The following OCA2 variants were observed in gnomAD, a reference collection of about 807,000 sequenced individuals.
The protein encoded by OCA2 is P protein.
In OCA2, 77 loss-of-function variants were observed where a neutral mutation model predicts 100.2. The observed-to-expected ratio is 0.77, with a 90% CI of 0.64 to 0.93. The LOEUF (loss-of-function observed/expected upper bound fraction) is 0.93, where lower values mean the gene tolerates loss of function less well. Ranked by LOEUF, OCA2 falls within the 40% of genes least tolerant of loss-of-function variation. The probability of loss-of-function intolerance (pLI) is 0.00; values close to 1 mark genes in which losing one functional copy is unlikely to be tolerated. For missense variants in OCA2, 1,062 were observed against 1,089.1 expected (o/e 0.98, Z 0.35); for synonymous variants, 432 against 439.2 (o/e 0.98, Z 0.21).
At chr15:27,977,540 T>C (rs1290828883) in intron 14 of OCA2, among the ~76,000 whole-genome samples, 4 of 152,290 alleles carry the variant, frequency 2.6e-5, no homozygotes, top group Admixed American at 6.5e-5. Context: ...TAACTATATA[T>C]GGCCTTTTAA....
chr15:27,992,913 A>G (rs1011058783), intron 9 of OCA2, among the ~76,000 whole-genome samples: 1 of 152,210 alleles, frequency 6.6e-6, no homozygotes, highest in East Asian at 1.9e-4. Flanking sequence ...GCTTAAGGCC[A>G]GGTGTTCAAG....
intron 9 of OCA2, among the ~76,000 whole-genome samples, chr15:28,005,906 C>T (rs1194357738): frequency 3.3e-5 from 5 of 152,176 alleles, no homozygotes; most frequent in Non-Finnish European, 5.9e-5. Context: ...GACATCTGTT[C>T]ACCTTGCACA....
chr15:27,914,547 G>T (rs2703938), intron 19 of OCA2, among the ~76,000 whole-genome samples: 96,331 of 151,910 alleles, frequency 0.63, 31,167 homozygotes, highest in East Asian at 0.96. Flanking sequence ...TGAAAATCAG[G>T]AGCATTTTCA....
rs1256278408 is a variant in OCA2, at chr15:27,820,335, C to T, written c.2432+24624G>A. 3.9e-5 allele frequency among the ~76,000 whole-genome samples: 6 copies of T among 152,168 alleles called. No individual in the cohort carries two copies. In the South Asian group the frequency reaches 1.2e-3, roughly 31 times the overall value. ...AGAGGAACTCTGCAGTAAAGACACCCGACAAACACTACTTCAGCCCATGAT... is the reference window on the plus strand; with the variant it reads ...AGAGGAACTCTGCAGTAAAGACACCTGACAAACACTACTTCAGCCCATGAT... On this transcript the variant is annotated intron_variant, in intron 23 of 23. Coordinates refer to ENST00000354638, the MANE Select transcript of OCA2 (RefSeq NM_000275.3).
chr15:28,082,448 G>C (rs942104113), intron 1 of OCA2, among the ~76,000 whole-genome samples: 2 of 152,202 alleles, frequency 1.3e-5, no homozygotes, highest in African/African-American at 4.8e-5. Flanking sequence ...AAGTCAGTGA[G>C]AGCAAGAACC....
rs578093435 is a variant in OCA2, at chr15:27,891,023, C to CA, written c.2080-19102dup. ...CTGGAGACAGAGTGAGACTCCATCT[C>CA]AAAAAAAAAAAAAGACAAATTTTGG... On this transcript the variant is annotated intron_variant, in intron 19 of 23. Transcript: ENST00000354638. 6.0e-3 allele frequency among the ~76,000 whole-genome samples: 704 copies of CA among 117,822 alleles called. 5 individuals are homozygous for CA. The highest frequency in any genetic ancestry group is 8.6e-3 in the South Asian group (33 of 3,824). The allele number at this position is 117,822 out of a possible 152,430, so 77.3% of individuals were successfully genotyped here.
chr15:27,758,345 G>GA (rs1291370107), intron 23 of OCA2, among the ~76,000 whole-genome samples: 1 of 151,976 alleles, frequency 6.6e-6, no homozygotes, highest in Non-Finnish European at 1.5e-5. Flanking sequence ...AATTCCACGG[G>GA]AAAAAAAATT....
chr15:28,076,841 G>A (rs1255749064), intron 2 of OCA2, among the ~76,000 whole-genome samples: 5 of 123,090 alleles, frequency 4.1e-5, no homozygotes, highest in Non-Finnish European at 6.2e-5. Context: ...GCGACAGAGC[G>A]AGACTCCGTC....
At chr15:27,783,897 C>G (rs1340840156) in intron 23 of OCA2, among the ~76,000 whole-genome samples, 1 of 152,174 alleles carries the variant, frequency 6.6e-6, no homozygotes, top group Non-Finnish European at 1.5e-5. Context: ...AGCAAGCACT[C>G]TACACCCAGG....
At chr15:28,039,047 C>T (rs1360271004) in intron 2 of OCA2, among the ~76,000 whole-genome samples, 1 of 152,108 alleles carries the variant, frequency 6.6e-6, no homozygotes, top group African/African-American at 2.4e-5. Context: ...AAGACAAAAA[C>T]CGTTACAAGA....
chr15:27,766,836 A>G (rs1210418846), intron 23 of OCA2, among the ~76,000 whole-genome samples: 2 of 152,110 alleles, frequency 1.3e-5, no homozygotes, highest in Non-Finnish European at 1.5e-5. Context: ...GTTCTGGGCC[A>G]AATAGAGGTT....
At chr15:27,784,526 T>C (rs1225789399) in intron 23 of OCA2, among the ~76,000 whole-genome samples, 1 of 152,114 alleles carries the variant, frequency 6.6e-6, no homozygotes, top group Non-Finnish European at 1.5e-5. Flanking sequence ...GAAACCAGAC[T>C]CAGGTATGAC....
chr15:28,098,613 T>C (rs2045028685), intron 1 of OCA2, among the ~76,000 whole-genome samples: 1 of 152,246 alleles, frequency 6.6e-6, no homozygotes, highest in Non-Finnish European at 1.5e-5. Context: ...CCCCAGGCTC[T>C]GATTCGCCCA....
intron 21 of OCA2, among the ~76,000 whole-genome samples, chr15:27,867,531 G>A (rs546053582): frequency 6.6e-6 from 1 of 152,242 alleles, no homozygotes; most frequent in African/African-American, 2.4e-5. Context: ...ACCTGGCAGA[G>A]GCTCAGAGCA....
chr15:27,723,676 G>A, the OCA2 span, among the ~76,000 whole-genome samples: 8 of 152,120 alleles, frequency 5.3e-5, no homozygotes, highest in Admixed American at 1.3e-4. Flanking sequence ...CTTTGCCTCC[G>A]CCCATCCTTG....
chr15:28,081,816 A>G lies in OCA2; in HGVS notation c.59T>C (p.Leu20Pro). Residue 20 changes from leucine (L) to proline (P), a missense_variant, in exon 2 of 24, where the codon CTG becomes CCG. Physicochemically the swap from Leu to Pro is moderately conservative, Grantham distance 98. Coordinates refer to ENST00000354638, the MANE Select transcript of OCA2 (RefSeq NM_000275.3). ...GAGTCCGCTGGGCACGGACGTCTGC[A>G]GGAGCTCCACCGCCGGCGCGCCGGG... ...RYPGAPAVEL[L>P]QTSVPSGLAE... 2 of 1,612,300 alleles carry G rather than the reference A, an allele frequency of 1.2e-6. No individual in the cohort carries two copies. The highest frequency in any genetic ancestry group is 1.7e-6 in the Non-Finnish European group (2 of 1,179,816).
chr15:28,011,086 G>A (rs995036412), intron 9 of OCA2, among the ~76,000 whole-genome samples: 22 of 152,196 alleles, frequency 1.4e-4, no homozygotes, highest in African/African-American at 5.1e-4. Flanking sequence ...AGGAGGGGTA[G>A]TCTTGTCGAT....
At chr15:27,950,349 A>C (rs937624664) in intron 18 of OCA2, among the ~76,000 whole-genome samples, 3 of 152,214 alleles carry the variant, frequency 2.0e-5, no homozygotes, top group Admixed American at 1.3e-4. Context: ...TCTTGTAGTC[A>C]TTAAGGTTTC....
chr15:28,074,456 C>T (rs950570334), intron 2 of OCA2, among the ~76,000 whole-genome samples: 21 of 152,046 alleles, frequency 1.4e-4, no homozygotes, highest in Admixed American at 4.6e-4. Context: ...GGGCGGATCA[C>T]GAGGTCAGGA....
Sources: allele counts gnomAD v4.1 joint callset (sites outside exome capture counted in the v4.1 genomes callset), GRCh38; gene constraint gnomAD v4.1.1; transcripts MANE v1.5; gene names NCBI Gene and HGNC (gene_info 2026-07-23, HGNC 2026-07-21).